The following CLEC16A variants were observed in gnomAD, a reference collection of about 807,000 sequenced individuals.
CLEC16A encodes C-type lectin domain containing 16A.
CLEC16A carries 51 observed loss-of-function variants against 109.5 expected under a neutral mutation model. That is an observed-to-expected ratio of 0.47 (90% CI 0.37 to 0.59). CLEC16A has a LOEUF of 0.59. Ranked by LOEUF, CLEC16A falls within the 20% of genes least tolerant of loss-of-function variation. CLEC16A has a pLI of 0.00. For missense variants in CLEC16A, 1,339 were observed against 1,394.0 expected (o/e 0.96, Z 0.63); for synonymous variants, 673 against 564.2 (o/e 1.19, Z -2.73).
intron 10 of CLEC16A, among the ~76,000 whole-genome samples, chr16:10,991,674 A>G (rs1318955421): frequency 2.0e-5 from 3 of 152,186 alleles, no homozygotes; most frequent in Admixed American, 6.5e-5. Flanking sequence ...CCTGCAGTCA[A>G]CGTTGATTGT....
chr16:10,953,919 G>T (rs2041858336), intron 1 of CLEC16A, among the ~76,000 whole-genome samples: 1 of 151,504 alleles, frequency 6.6e-6, no homozygotes, highest in Admixed American at 6.6e-5. Flanking sequence ...AGAGCTTGCA[G>T]TGAGTGGAGA....
At chr16:10,979,573 T>C (rs2043207956) in intron 9 of CLEC16A, among the ~76,000 whole-genome samples, 191 bp downstream of exon 9, 1 of 152,138 alleles carries the variant, frequency 6.6e-6, no homozygotes, top group South Asian at 2.1e-4. Context: ...ATCTTTTTCA[T>C]GGTAGGAGAT....
At chr16:10,944,846 G>A (rs1412079698) in intron 1 of CLEC16A, 49 bp downstream of exon 1, 3 of 1,496,678 alleles carry the variant, frequency 2.0e-6, no homozygotes, top group Non-Finnish European at 2.7e-6. Flanking sequence ...ACAGGGGGAC[G>A]GGGCGCCGAG....
chr16:11,057,642 A>T (rs150620463), intron 18 of CLEC16A, among the ~76,000 whole-genome samples: 17 of 152,372 alleles, frequency 1.1e-4, no homozygotes, highest in Non-Finnish European at 2.1e-4. Context: ...TTCCTGGGTC[A>T]GTCCTTCCTG....
intron 14 of CLEC16A, chr16:11,041,591 G>C (rs1348584647): frequency 1.3e-5 from 2 of 152,322 alleles, no homozygotes; most frequent in Admixed American, 6.5e-5. Context: ...AGTTGGAAGA[G>C]AGATCTCGAA....
intron 10 of CLEC16A, among the ~76,000 whole-genome samples, chr16:10,994,406 A>G (rs546455739): frequency 2.9e-4 from 44 of 152,176 alleles, no homozygotes; most frequent in South Asian, 2.3e-3. Flanking sequence ...TTGCTTGCCA[A>G]TCACCTCCTT....
At chr16:10,974,776 C>T (rs1335874656) in intron 7 of CLEC16A, among the ~76,000 whole-genome samples, 4 of 152,196 alleles carry the variant, frequency 2.6e-5, no homozygotes, top group African/African-American at 9.7e-5. Flanking sequence ...CATAATGAGA[C>T]ACTTAACTAT....
chr16:11,140,098 C>T (rs1258830192), intron 22 of CLEC16A, among the ~76,000 whole-genome samples: 2 of 152,212 alleles, frequency 1.3e-5, no homozygotes, highest in African/African-American at 4.8e-5. Context: ...CAAAAGTTAT[C>T]TCTTGTCCTT....
chr16:11,165,260 G>A (rs2068208075), intron 22 of CLEC16A, among the ~76,000 whole-genome samples: 2 of 152,076 alleles, frequency 1.3e-5, no homozygotes, highest in Admixed American at 6.5e-5. Flanking sequence ...GGAGGCTGAA[G>A]CAGGAGGATC....
At chr16:11,062,816 T>C (rs2048554749) in intron 19 of CLEC16A, among the ~76,000 whole-genome samples, 1 of 151,820 alleles carries the variant, frequency 6.6e-6, no homozygotes, top group African/African-American at 2.4e-5. Flanking sequence ...AGGGTTTAAA[T>C]TGATCAAGTT....
At chr16:11,170,703 T>G (rs974503150) in intron 23 of CLEC16A, among the ~76,000 whole-genome samples, 3 of 152,172 alleles carry the variant, frequency 2.0e-5, no homozygotes, top group African/African-American at 7.2e-5. Context: ...CAGTGAATTA[T>G]TGTTTTCCAA....
rs537060778 is a variant in CLEC16A, at chr16:10,958,047, C to T, written c.209+137C>T. On this transcript the variant is annotated intron_variant, in intron 2 of 23. Coordinates refer to ENST00000409790, the MANE Select transcript of CLEC16A (RefSeq NM_015226.3). ...TGCCTAGATATCTATCTCTGTCTAG[C>T]TGTAAAAAAAAAAAAAAAATGCCCT... 44 of 690,598 alleles carry T rather than the reference C, an allele frequency of 6.4e-5. No individual in the cohort carries two copies. The African/African-American group carries it at 8.1e-4, about 13-fold the overall frequency. The allele number at this position is 690,598 out of a possible 1,614,324, so 42.8% of individuals were successfully genotyped here. A position where few individuals can be genotyped will look rare whatever the true frequency, so the allele number is the denominator to read the frequency against.
At chr16:11,016,473 C>G (rs1377763321) in intron 11 of CLEC16A, among the ~76,000 whole-genome samples, 5 of 151,970 alleles carry the variant, frequency 3.3e-5, no homozygotes, top group Non-Finnish European at 7.4e-5. Flanking sequence ...CTCAGCCTCC[C>G]CAGTAGTTGG....
At chr16:10,956,405 T>G (rs1158814977) in intron 1 of CLEC16A, among the ~76,000 whole-genome samples, 1 of 152,150 alleles carries the variant, frequency 6.6e-6, no homozygotes, top group African/African-American at 2.4e-5. Context: ...TATCTAGACG[T>G]TTCCTTCCTT....
In CLEC16A at chr16:10,979,338, C is replaced by G. The variant is rs74163607; in HGVS notation, c.913C>G (p.Arg305Gly). 3.1e-6 allele frequency: 5 copies of G among 1,612,360 alleles called. No individual in the cohort carries two copies. Among genetic ancestry groups the G allele is most frequent in the Non-Finnish European group, 4.2e-6 (5 of 1,179,346 alleles). Residue 305 changes from arginine to glycine, a missense_variant, in exon 9 of 24, where the codon CGG becomes GGG. Around this residue, in one of 3 missense-constraint regions of CLEC16A, gnomAD observed 161 missense variants for 267.1 expected, o/e 0.60. Transcript: ENST00000409790. ...SLENQDKGGE[R>G]PKISLPVSLY... is the part of the protein sequence containing the mutation. ...TGCCACCCTGCACTAGGGAGGAGAA[C>G]GGCCGAAAATTAGCCTGCCGGTGTC...
chr16:11,011,536 G>T (rs760473515), intron 11 of CLEC16A, among the ~76,000 whole-genome samples: 1 of 152,036 alleles, frequency 6.6e-6, no homozygotes, highest in Non-Finnish European at 1.5e-5. Flanking sequence ...ATGGTGTTCT[G>T]TGTTCATCTA....
At chr16:11,045,263 GC>G (rs1349314545) in intron 16 of CLEC16A, among the ~76,000 whole-genome samples, 1 of 152,164 alleles carries the variant, frequency 6.6e-6, no homozygotes, top group Non-Finnish European at 1.5e-5. Flanking sequence ...TGGGAGGATG[GC>G]ATGAACTGGG....
At chr16:11,065,379 A>T (rs983148569) in intron 19 of CLEC16A, among the ~76,000 whole-genome samples, 14 of 152,234 alleles carry the variant, frequency 9.2e-5, no homozygotes, top group African/African-American at 3.1e-4. Context: ...CAGCCATAGC[A>T]TGTGCTACAT....
At chr16:11,047,446 C>T in intron 17 of CLEC16A, 104 bp downstream of exon 17, 2 of 679,742 alleles carry the variant, frequency 2.9e-6, no homozygotes, top group Non-Finnish European at 4.6e-6. Context: ...GGCTTTGTGA[C>T]CAAATAGCAC....
Sources: allele counts gnomAD v4.1 joint callset (sites outside exome capture counted in the v4.1 genomes callset), GRCh38; gene constraint gnomAD v4.1.1; regional missense constraint gnomAD v4.1.1; transcripts MANE v1.5; gene names NCBI Gene and HGNC (gene_info 2026-07-23, HGNC 2026-07-21).